BCL9: variants seen among roughly 807,000 people sequenced by gnomAD.
BCL9 encodes the protein BCL9 transcription coactivator.
BCL9 carries 25 observed loss-of-function variants against 88.5 expected under a neutral mutation model. That is an observed-to-expected ratio of 0.28 (90% CI 0.21 to 0.39). The LOEUF (loss-of-function observed/expected upper bound fraction) is 0.39. Ranked by LOEUF, BCL9 falls within the 10% of genes least tolerant of loss-of-function variation. The pLI is 1.00. For missense variants in BCL9, 1,817 were observed against 1,877.8 expected, an observed-to-expected ratio of 0.97 and a Z score of 0.60; for synonymous variants, 711 against 673.3, an observed-to-expected ratio of 1.06 and a Z score of -0.87.
intron 1 of BCL9, among the ~76,000 whole-genome samples, chr1:147,588,424 G>A (rs1429905180): frequency 5.3e-5 from 8 of 151,992 alleles, no homozygotes; most frequent in African/African-American, 1.7e-4. Context: ...AACAAAAAAC[G>A]ACAGTATACA....
intron 1 of BCL9, among the ~76,000 whole-genome samples, chr1:147,548,584 T>C (rs782725474): frequency 6.6e-6 from 1 of 152,222 alleles, no homozygotes; most frequent in Non-Finnish European, 1.5e-5. Flanking sequence ...CTCTGGGCTG[T>C]GGCCCCTCAA....
rs1658478214 is a variant in BCL9 at position 147,619,384 on chromosome 1, T to G, written c.1229T>G (p.Met410Arg). The G allele has an allele frequency of 1.2e-6, 2 of 1,614,078 alleles. No homozygotes were observed. The highest frequency in any genetic ancestry group is 1.7e-6 in the Non-Finnish European group (2 of 1,180,022). The change falls in exon 8 of 10, where the codon ATG becomes AGG. Residue 410 changes from methionine (M) to arginine (R), a missense_variant. Coordinates refer to ENST00000234739, the MANE Select transcript of BCL9 (RefSeq NM_004326.4). The surrounding 1 kb of genome is among the most constrained non-coding windows in gnomAD (Gnocchi z 4.1). ...CCAGAAGGGCCAATACAGGCCATGA[T>G]GGCCCAATCCCAAAGCCTAGGTAAG... is the stretch of plus-strand genomic sequence containing the variant. ...KKPEGPIQAM[M>R]AQSQSLGKGP...
intron 1 of BCL9, among the ~76,000 whole-genome samples, chr1:147,586,101 C>G (rs941888990): frequency 1.3e-5 from 2 of 152,100 alleles, no homozygotes; most frequent in Non-Finnish European, 2.9e-5. Context: ...AACTGATCAC[C>G]TTCCTAAACT....
At chr1:147,574,384 T>C (rs955239490) in intron 1 of BCL9, among the ~76,000 whole-genome samples, 4 of 152,138 alleles carry the variant, frequency 2.6e-5, no homozygotes, top group Admixed American at 2.6e-4. Flanking sequence ...TATAGGAGAA[T>C]CTGTGTAGAC....
At position 147,620,851 on chromosome 1, in the gene BCL9, C is replaced by CAGCTGCTGCTGCTTCATT. The variant is rs782519407; in HGVS notation, c.2711_2712insATTAGCTGCTGCTGCTTC (p.Ser904_Ile905insLeuAlaAlaAlaAlaSer). On this transcript the variant is annotated inframe_insertion, in exon 8 of 10. Coordinates refer to ENST00000234739, the MANE Select transcript of BCL9 (RefSeq NM_004326.4). ...CAGCTGGCAGGCATGCTGGCGGGCC[C>CAGCTGCTGCTGCTTCATT]AGCTGCTGCTGCTTCCATTAAGTCC... 23 of 1,614,078 alleles carry CAGCTGCTGCTGCTTCATT rather than the reference C, an allele frequency of 1.4e-5. No individual in the cohort carries two copies. The highest frequency in any genetic ancestry group is 1.9e-5 in the Non-Finnish European group (22 of 1,180,038).
chr1:147,580,989 T>C (rs1184727406), intron 1 of BCL9, among the ~76,000 whole-genome samples: 2 of 151,746 alleles, frequency 1.3e-5, no homozygotes, highest in Non-Finnish European at 2.9e-5. Flanking sequence ...GTGTGTTTGA[T>C]GATAACACTG....
chr1:147,599,173 A>G (rs1186646588), intron 1 of BCL9, among the ~76,000 whole-genome samples: 1 of 152,112 alleles, frequency 6.6e-6, no homozygotes, highest in Non-Finnish European at 1.5e-5. Context: ...AGACCCCTGC[A>G]CCCCCGGCGC....
rs886693693 is a variant in BCL9 at position 147,624,898 on chromosome 1, C to G, written c.4220C>G (p.Ala1407Gly). Reference protein sequence around the residue: ...PPQMRPRGMAADVGMGGFSQG... With the variant: ...PPQMRPRGMAGDVGMGGFSQG... ...CAGATGAGGCCCCGGGGCATGGCTG[C>G]TGACGTGGGCATGGGTGGATTTAGC... is the stretch of plus-strand genomic sequence containing the variant. Residue 1407 changes from alanine (A) to glycine (G), a missense_variant, in exon 10 of 10, where the codon GCT becomes GGT. Transcript: ENST00000234739. The surrounding 1 kb of genome is among the most constrained non-coding windows in gnomAD (Gnocchi z 4.4). 8.1e-6 allele frequency: 13 copies of G among 1,614,034 alleles called. No homozygotes were observed. The highest frequency in any genetic ancestry group is 1.1e-5 in the Non-Finnish European group (13 of 1,179,896).
intron 1 of BCL9, among the ~76,000 whole-genome samples, chr1:147,552,432 C>T (rs1391718575): frequency 4.0e-5 from 6 of 151,774 alleles, no homozygotes; most frequent in Admixed American, 3.3e-4. Flanking sequence ...ACATGGAAAC[C>T]CTGTCTCTAC....
chr1:147,563,716 C>T lies in BCL9; in HGVS notation c.-478+22042C>T, dbSNP rs140250154. On this transcript the variant is annotated intron_variant, in intron 1 of 9. Transcript: ENST00000234739. ...GTAGACTTTAGCAGAAATGCTACCA[C>T]GTCTGAAGTCATTTTTGGAATTTCT... Among the ~76,000 whole-genome samples the T allele has an allele frequency of 4.1e-3, 622 of 152,318 alleles. 4 individuals are homozygous for T. The highest frequency in any genetic ancestry group is 0.014 in the African/African-American group (579 of 41,572).
intron 1 of BCL9, among the ~76,000 whole-genome samples, chr1:147,560,048 A>G (rs1570820532): frequency 6.6e-6 from 1 of 152,216 alleles, no homozygotes; most frequent in Non-Finnish European, 1.5e-5. Context: ...GAGTAAGTAC[A>G]GACTGTTGTA....
intron 1 of BCL9, among the ~76,000 whole-genome samples, chr1:147,575,164 G>A (rs1553197931): frequency 6.6e-6 from 1 of 152,150 alleles, no homozygotes; most frequent in East Asian, 1.9e-4. Context: ...AGCTATTACA[G>A]TCCCTGTTTT....
At chr1:147,622,195 C>G (rs1288981898) in intron 8 of BCL9, 76 bp from the exon 9 acceptor site, 2 of 1,566,412 alleles carry the variant, frequency 1.3e-6, no homozygotes, top group East Asian at 2.3e-5. Flanking sequence ...CTTGCTAGTT[C>G]ATAATCATAG....
chr1:147,545,959 A>G (rs1402891993), intron 1 of BCL9, among the ~76,000 whole-genome samples: 2 of 152,204 alleles, frequency 1.3e-5, no homozygotes, highest in Non-Finnish European at 2.9e-5. Flanking sequence ...TTGTTAGGCC[A>G]TCTCTGCAAG....
intron 1 of BCL9, among the ~76,000 whole-genome samples, chr1:147,555,190 T>C (rs1464873762): frequency 1.3e-5 from 2 of 152,120 alleles, no homozygotes; most frequent in Non-Finnish European, 2.9e-5. Flanking sequence ...GAACACACAG[T>C]AATGGCAGAC....
intron 1 of BCL9, among the ~76,000 whole-genome samples, chr1:147,562,534 G>A (rs1655426729): frequency 6.6e-6 from 1 of 152,170 alleles, no homozygotes. Context: ...ACCAGTTTGA[G>A]AGTTACTGAA....
rs1553204455 is a variant in BCL9, at chr1:147,619,246, A to G, written c.1091A>G (p.Gln364Arg). 5.0e-6 allele frequency: 8 copies of G among 1,614,164 alleles called. No homozygotes were observed. The highest frequency in any genetic ancestry group is 5.9e-6 in the Non-Finnish European group (7 of 1,180,026). ...EQLEHRERSL[Q>R]TLRDIQRMLF... ...CTGGAGCACCGGGAGCGCTCCTTAC[A>G]AACTCTCAGAGATATCCAGCGCATG... The change falls in exon 8 of 10, where the codon CAA becomes CGA. Residue 364 changes from glutamine (Q) to arginine (R), a missense_variant. Transcript: ENST00000234739. The surrounding 1 kb of genome is among the most constrained non-coding windows in gnomAD (Gnocchi z 4.1).
intron 1 of BCL9, among the ~76,000 whole-genome samples, chr1:147,565,899 A>C (rs587618040): frequency 6.2e-4 from 94 of 151,980 alleles, no homozygotes; most frequent in African/African-American, 2.2e-3. Flanking sequence ...ACCCACTTTC[A>C]CCCCCATCCT....
chr1:147,558,697 C>G (rs1487366075), intron 1 of BCL9, among the ~76,000 whole-genome samples: 3 of 152,152 alleles, frequency 2.0e-5, no homozygotes, highest in African/African-American at 7.2e-5. Flanking sequence ...TTCTTTTCTT[C>G]CAGCAGAACA....
Sources: allele counts gnomAD v4.1 joint callset (sites outside exome capture counted in the v4.1 genomes callset), GRCh38; gene constraint gnomAD v4.1.1; non-coding constraint Gnocchi (gnomAD v3.1); transcripts MANE v1.5; gene names NCBI Gene and HGNC (gene_info 2026-07-23, HGNC 2026-07-21).